The following TBC1D5 variants were observed in gnomAD, a reference collection of about 807,000 sequenced individuals.
TBC1D5 encodes TBC1 domain family, member 5.
TBC1D5 carries 75 observed loss-of-function variants against 100.3 expected under a neutral mutation model. The observed-to-expected ratio is 0.75, with a 90% CI of 0.62 to 0.91. TBC1D5 has a LOEUF of 0.91. Ranked by LOEUF, TBC1D5 falls within the 40% of genes least tolerant of loss-of-function variation. The probability of loss-of-function intolerance (pLI) is 0.00; values close to 1 mark genes in which losing one functional copy is unlikely to be tolerated. For synonymous variants in TBC1D5, 323 were observed against 325.6 expected (o/e 0.99, Z 0.09); for missense variants, 910 against 942.4 (o/e 0.97, Z 0.45).
At chr3:17,592,803 T>C (rs970382617) in intron 2 of TBC1D5, among the ~76,000 whole-genome samples, 2 of 152,176 alleles carry the variant, frequency 1.3e-5, no homozygotes, top group African/African-American at 4.8e-5. Flanking sequence ...TGGAGCCCTC[T>C]AGGATTTTGG....
In TBC1D5 at chr3:17,706,105, C is replaced by A. The variant is rs866658332; in HGVS notation, c.-101+33238G>T. The A allele has an allele frequency of 2.7e-5, 44 of 1,605,996 alleles. No homozygotes were observed. The African/African-American group carries it at 4.6e-4, about 17-fold the overall frequency. On this transcript the variant is annotated intron_variant, in intron 1 of 21. Coordinates refer to ENST00000253692, the Ensembl canonical transcript of TBC1D5. Reference sequence around the variant, plus strand: ...TGGGCGGCGGCCTCCAGCTTGCCCTCGAAGGTGAAGTCCAGCAAGTCGGGC... The same window carrying A: ...TGGGCGGCGGCCTCCAGCTTGCCCTAGAAGGTGAAGTCCAGCAAGTCGGGC...
intron 1 of TBC1D5, among the ~76,000 whole-genome samples, chr3:17,729,348 T>TAA (rs1553935272): frequency 7.0e-6 from 1 of 142,958 alleles, no homozygotes; most frequent in South Asian, 2.2e-4. Context: ...AGATGAAATT[T>TAA]GAGAGAAAAA....
intron 15 of TBC1D5, among the ~76,000 whole-genome samples, chr3:17,269,086 A>G (rs1421912653): frequency 2.0e-5 from 3 of 152,166 alleles, no homozygotes; most frequent in African/African-American, 7.2e-5. Context: ...CTACTTACAC[A>G]TAAGTACTTC....
chr3:17,372,360 C>T, intron 12 of TBC1D5, 113 bp from the exon 13 acceptor site: 1 of 959,554 alleles, frequency 1.0e-6, no homozygotes, highest in Non-Finnish European at 1.4e-6. Flanking sequence ...CTGCCTACTA[C>T]TCATTCTTAA....
At chr3:17,325,449 A>T (rs1314039283) in intron 13 of TBC1D5, among the ~76,000 whole-genome samples, 1 of 151,554 alleles carries the variant, frequency 6.6e-6, no homozygotes, top group East Asian at 1.9e-4. Context: ...CAGCCTGCCG[A>T]GTAGCTGGGA....
intron 8 of TBC1D5, among the ~76,000 whole-genome samples, chr3:17,389,935 T>A (rs1237867517): frequency 6.6e-6 from 1 of 151,896 alleles, no homozygotes; most frequent in Non-Finnish European, 1.5e-5. Context: ...CTTCCTTTAT[T>A]ATCTAAGACA....
intron 4 of TBC1D5, among the ~76,000 whole-genome samples, chr3:17,412,831 C>T (rs1382084481): frequency 6.6e-6 from 1 of 152,074 alleles, no homozygotes; most frequent in African/African-American, 2.4e-5. Flanking sequence ...TCTGGAATAA[C>T]ATGGAAGTAA....
chr3:17,479,811 G>A (rs1186667768), intron 3 of TBC1D5, among the ~76,000 whole-genome samples: 1 of 152,218 alleles, frequency 6.6e-6, no homozygotes, highest in Non-Finnish European at 1.5e-5. Flanking sequence ...TGGGTGCAGT[G>A]GGGGAGGCGC....
At position 17,646,102 on chromosome 3, in the gene TBC1D5, A is replaced by T. The variant is rs557462764; in HGVS notation, c.-100-22189T>A. On this transcript the variant is annotated intron_variant, in intron 1 of 21. Transcript: ENST00000253692. ...TGAGGATGGGCCCAAACCCAATATG[A>T]CTGATGTCTTTATAAGAAGGGTAAA... 1.4e-4 allele frequency among the ~76,000 whole-genome samples: 22 copies of T among 152,196 alleles called. No individual in the cohort carries two copies. The East Asian group carries it at 3.1e-3, about 21-fold the overall frequency.
intron 1 of TBC1D5, among the ~76,000 whole-genome samples, chr3:17,712,209 C>A (rs1276104657): frequency 6.6e-6 from 1 of 151,914 alleles, no homozygotes; most frequent in Non-Finnish European, 1.5e-5. Context: ...TTTCTGGGTA[C>A]CAATAACAGA....
intron 1 of TBC1D5, among the ~76,000 whole-genome samples, chr3:17,684,335 G>T (rs891815754): frequency 6.6e-6 from 1 of 151,946 alleles, no homozygotes; most frequent in Non-Finnish European, 1.5e-5. Context: ...TAAGAAATTT[G>T]GATATATGTA....
At chr3:17,591,498 G>C (rs954489435) in intron 2 of TBC1D5, among the ~76,000 whole-genome samples, 4 of 152,034 alleles carry the variant, frequency 2.6e-5, no homozygotes, top group African/African-American at 4.8e-5. Flanking sequence ...CATTTCGGGG[G>C]ACTACTGGAC....
rs535612715 is a variant in TBC1D5, at chr3:17,192,835, C to T, written c.1753-7627G>A. 2.0e-5 allele frequency among the ~76,000 whole-genome samples: 3 copies of T among 152,380 alleles called. No homozygotes were observed. In the East Asian group the frequency reaches 5.8e-4, roughly 29 times the overall value. On this transcript the variant is annotated intron_variant, in intron 18 of 21. Coordinates refer to ENST00000253692, the Ensembl canonical transcript of TBC1D5. The stretch of plus-strand genomic sequence containing the variant: ...TCCTTGTTTTTCAGCCACTGAAGCA[C>T]TGCGGTGTCCCACCGCTGACGTCCT...
intron 4 of TBC1D5, among the ~76,000 whole-genome samples, chr3:17,415,727 T>C (rs1020667877): frequency 6.6e-6 from 1 of 152,138 alleles, no homozygotes. Flanking sequence ...AAGGATCCTA[T>C]ACCAGCAATC....
At chr3:17,552,206 T>G (rs984065133) in intron 2 of TBC1D5, among the ~76,000 whole-genome samples, 1 of 148,952 alleles carries the variant, frequency 6.7e-6, no homozygotes, top group Non-Finnish European at 1.5e-5. Context: ...AAAAAAAAGG[T>G]AATAACAATC....
At chr3:17,519,773 G>T (rs1462011898) in intron 2 of TBC1D5, among the ~76,000 whole-genome samples, 1 of 152,186 alleles carries the variant, frequency 6.6e-6, no homozygotes, top group Non-Finnish European at 1.5e-5. Context: ...AAGAGAACCT[G>T]TAGTATGTCG....
At chr3:17,406,285 T>C (rs1196828691) in intron 5 of TBC1D5, 133 bp downstream of exon 5, 3 of 706,346 alleles carry the variant, frequency 4.2e-6, no homozygotes, top group African/African-American at 3.6e-5. Context: ...AAGATAAACA[T>C]AGATGGTCAA....
intron 1 of TBC1D5, among the ~76,000 whole-genome samples, chr3:17,711,940 C>G (rs1343646586): frequency 6.6e-6 from 1 of 152,174 alleles, no homozygotes; most frequent in African/African-American, 2.4e-5. Context: ...ACTGTCTTTA[C>G]TTTATTACAA....
At chr3:17,520,119 C>A (rs2096047325) in intron 2 of TBC1D5, among the ~76,000 whole-genome samples, 1 of 152,092 alleles carries the variant, frequency 6.6e-6, no homozygotes, top group African/African-American at 2.4e-5. Flanking sequence ...TCCACAAAAC[C>A]AAAATCCTTT....
Sources: allele counts gnomAD v4.1 joint callset (sites outside exome capture counted in the v4.1 genomes callset), GRCh38; gene constraint gnomAD v4.1.1; transcripts MANE v1.5; gene names NCBI Gene and HGNC (gene_info 2026-07-23, HGNC 2026-07-21).